The following MGAT4C variants were observed in gnomAD, a reference collection of about 807,000 sequenced individuals.
MGAT4C encodes the protein alpha-1,3-mannosyl-glycoprotein 4-beta-N-acetylglucosaminyltransferase C.
Under a neutral mutation model 40.1 loss-of-function variants are expected in MGAT4C, and 19 were observed. That is an observed-to-expected ratio of 0.47 (90% CI 0.33 to 0.70). The LOEUF (loss-of-function observed/expected upper bound fraction) is 0.70, where lower values mean the gene tolerates loss of function less well. Among genes scored for constraint, MGAT4C ranks in the 30% least tolerant of loss-of-function variants. The pLI, the probability that MGAT4C is intolerant of heterozygous loss-of-function variation, is 0.02. For synonymous variants in MGAT4C, 181 were observed against 187.1 expected, an observed-to-expected ratio of 0.97 and a Z score of 0.27; for missense variants, 491 against 563.2, an observed-to-expected ratio of 0.87 and a Z score of 1.30.
chr12:86,679,860 G>A (rs1949948953), intron 2 of MGAT4C, among the ~76,000 whole-genome samples: 3 of 151,980 alleles, frequency 2.0e-5, no homozygotes, highest in South Asian at 4.1e-4. Flanking sequence ...TTTTGTTATC[G>A]TAGCCAGAAA....
At chr12:86,816,540 G>A (rs901238012) in intron 1 of MGAT4C, among the ~76,000 whole-genome samples, 5 of 151,438 alleles carry the variant, frequency 3.3e-5, no homozygotes, top group South Asian at 2.1e-4. Flanking sequence ...TGAAGGTTAC[G>A]TACCAGCAAA....
At chr12:86,031,534 T>C (rs1341147674) in intron 2 of MGAT4C, among the ~76,000 whole-genome samples, 1 of 151,704 alleles carries the variant, frequency 6.6e-6, no homozygotes, top group Non-Finnish European at 1.5e-5. Flanking sequence ...AAGCAATATA[T>C]CAGTTGGAAA....
At chr12:86,434,886 T>C (rs1957110937) in intron 3 of MGAT4C, among the ~76,000 whole-genome samples, 1 of 151,834 alleles carries the variant, frequency 6.6e-6, no homozygotes, top group Admixed American at 6.6e-5. Flanking sequence ...AGTATAAACA[T>C]AAAATGACTT....
intron 2 of MGAT4C, among the ~76,000 whole-genome samples, chr12:86,479,641 A>C (rs1187034561): frequency 1.3e-5 from 2 of 152,120 alleles, no homozygotes; most frequent in South Asian, 2.1e-4. Flanking sequence ...TCAGTGAATG[A>C]CTATAGTTAT....
chr12:86,004,774 A>G (rs1037717023), intron 2 of MGAT4C, among the ~76,000 whole-genome samples: 5 of 152,212 alleles, frequency 3.3e-5, no homozygotes, highest in Non-Finnish European at 7.3e-5. Context: ...TTATGGAACC[A>G]CAGAACCAGC....
intron 4 of MGAT4C, among the ~76,000 whole-genome samples, chr12:86,292,757 G>A (rs2136129831): frequency 6.6e-6 from 1 of 151,968 alleles, no homozygotes. Context: ...GTTGGTAGAA[G>A]TCTCCTGACA....
intron 1 of MGAT4C, among the ~76,000 whole-genome samples, chr12:86,208,574 C>A (rs1328910983): frequency 6.6e-6 from 1 of 152,112 alleles, no homozygotes; most frequent in Non-Finnish European, 1.5e-5. Flanking sequence ...TTACCAAGAA[C>A]CTGGGAGATC....
At position 86,511,255 on chromosome 12, in the gene MGAT4C, G is replaced by T. The variant is rs535282944; in HGVS notation, c.-228-75990C>A. Among the ~76,000 whole-genome samples, 508 of 152,114 alleles carry T rather than the reference G, an allele frequency of 3.3e-3. 1 individual carries two copies. The highest frequency in any genetic ancestry group is 0.012 in the African/African-American group (491 of 41,490). ...CCTGAATGACTACTGGGTACATAAT[G>T]AAATGAAGCAGAAATAAAGATGTTC... On this transcript the variant is annotated intron_variant, in intron 2 of 7. Coordinates refer to the MGAT4C transcript ENST00000548651.
intron 1 of MGAT4C, among the ~76,000 whole-genome samples, chr12:86,084,936 G>T (rs1871472943): frequency 6.6e-6 from 1 of 151,956 alleles, no homozygotes; most frequent in Non-Finnish European, 1.5e-5. Context: ...TCACAGTAAC[G>T]AAAATAGTAA....
At chr12:86,048,556 G>A (rs906802134) in intron 2 of MGAT4C, among the ~76,000 whole-genome samples, 4 of 151,864 alleles carry the variant, frequency 2.6e-5, no homozygotes, top group Non-Finnish European at 4.4e-5. Context: ...TCAGTGAACT[G>A]GATATAGATT....
intron 1 of MGAT4C, among the ~76,000 whole-genome samples, chr12:86,735,900 A>G (rs1299801177): frequency 6.6e-6 from 1 of 151,822 alleles, no homozygotes; most frequent in Non-Finnish European, 1.5e-5. Context: ...TTTTCCAATG[A>G]TAACCTTTCT....
intron 1 of MGAT4C, among the ~76,000 whole-genome samples, chr12:86,798,531 A>C (rs556528323): frequency 6.6e-6 from 1 of 151,972 alleles, no homozygotes; most frequent in Admixed American, 6.6e-5. Flanking sequence ...TAACAATCTG[A>C]TTATAAGAGA....
intron 2 of MGAT4C, among the ~76,000 whole-genome samples, chr12:86,525,652 T>C (rs1958868043): frequency 6.6e-6 from 1 of 152,192 alleles, no homozygotes. Context: ...AAGGATTTGA[T>C]TGTGGTATAA....
At chr12:86,327,140 A>G (rs1057006059) in intron 4 of MGAT4C, among the ~76,000 whole-genome samples, 3 of 152,038 alleles carry the variant, frequency 2.0e-5, no homozygotes, top group South Asian at 2.1e-4. Flanking sequence ...TTATTATCCT[A>G]TTTTTCATTT....
At chr12:86,375,054 C>CTGAAA (rs1416406362) in intron 3 of MGAT4C, among the ~76,000 whole-genome samples, 1 of 152,040 alleles carries the variant, frequency 6.6e-6, no homozygotes, top group Non-Finnish European at 1.5e-5. Context: ...AGAATATTCC[C>CTGAAA]CCTTCAGCTA....
At chr12:86,482,028 G>A (rs1017678538) in intron 2 of MGAT4C, among the ~76,000 whole-genome samples, 1 of 147,442 alleles carries the variant, frequency 6.8e-6, no homozygotes, top group Non-Finnish European at 1.5e-5. Flanking sequence ...TTGTAAAACA[G>A]TCCTCTTTTT....
chr12:86,688,148 C>T (rs922746137), intron 2 of MGAT4C, among the ~76,000 whole-genome samples: 2 of 139,634 alleles, frequency 1.4e-5, no homozygotes, highest in African/African-American at 5.3e-5. Flanking sequence ...ACTAGGAATG[C>T]AACCCCTGCT....
chr12:86,796,717 G>C (rs897422186), intron 1 of MGAT4C, among the ~76,000 whole-genome samples: 1 of 151,836 alleles, frequency 6.6e-6, no homozygotes, highest in Non-Finnish European at 1.5e-5. Flanking sequence ...GTGAGGAAAC[G>C]CATATGTTAA....
At chr12:86,463,601 CA>C (rs1454401643) in intron 2 of MGAT4C, among the ~76,000 whole-genome samples, 1 of 152,114 alleles carries the variant, frequency 6.6e-6, no homozygotes, top group African/African-American at 2.4e-5. Flanking sequence ...TCTTCCCTGA[CA>C]TACAAATTAG....
Sources: gnomAD v4.1 joint callset for allele counts (sites outside exome capture counted in the v4.1 genomes callset) on GRCh38, gnomAD v4.1.1 for gene constraint, MANE v1.5 for transcripts, NCBI Gene and HGNC (gene_info 2026-07-23, HGNC 2026-07-21) for gene names.